C6orf163: variants seen among roughly 807,000 people sequenced by gnomAD.
The protein encoded by C6orf163 is chromosome 6 open reading frame 163.
In C6orf163, 22 loss-of-function variants were observed where a neutral mutation model predicts 28.4. The observed-to-expected ratio is 0.78, with a 90% confidence interval of 0.55 to 1.11. The LOEUF (loss-of-function observed/expected upper bound fraction) is 1.11, where lower values mean the gene tolerates loss of function less well. Among genes scored for constraint, C6orf163 ranks in the 50% least tolerant of loss-of-function variants. The pLI is 0.00. For missense variants in C6orf163, 342 were observed against 389.1 expected (o/e 0.88, Z 1.02); for synonymous variants, 110 against 123.6 (o/e 0.89, Z 0.73).
intron 1 of C6orf163, among the ~76,000 whole-genome samples, chr6:87,346,163 T>C (rs1044040258): frequency 3.9e-5 from 6 of 152,090 alleles, no homozygotes; most frequent in Non-Finnish European, 8.8e-5. Context: ...TCCTAAGAAC[T>C]CTCACAATAC....
At chr6:87,352,100 C>CA (rs11430235) in intron 3 of C6orf163, among the ~76,000 whole-genome samples, 4 of 152,012 alleles carry the variant, frequency 2.6e-5, no homozygotes, top group African/African-American at 9.6e-5. Flanking sequence ...GGGGGATCGA[C>CA]CTTCCTGAAA....
Position 87,348,867 on chromosome 6 carries a change from A to G in C6orf163, c.204A>G (p.Arg68=). The change falls in exon 2 of 5, where the codon AGA becomes AGG. Residue 68 remains arginine, a synonymous_variant. Transcript: ENST00000388923. Reference sequence around the variant, plus strand: ...AGCAGTTTCAAGAAGATATACTCAGAGAACACATTGCGAAAGCAGAAGCTG... The same window carrying G: ...AGCAGTTTCAAGAAGATATACTCAGGGAACACATTGCGAAAGCAGAAGCTG... ...KEEQFQEDIL[R]EHIAKAEAEV... is the part of the protein sequence containing the mutation. 6.5e-7 allele frequency: 1 copy of G among 1,537,718 alleles called. No homozygotes were observed. Among genetic ancestry groups the G allele is most frequent in the Non-Finnish European group, 8.7e-7 (1 of 1,146,978 alleles).
rs146710227 is a variant in C6orf163 at position 87,359,619 on chromosome 6, A to G, written c.554+3116A>G. Among the ~76,000 whole-genome samples the G allele has an allele frequency of 1.1e-3, 164 of 152,344 alleles. 1 individual carries two copies. Among genetic ancestry groups the G allele is most frequent in the Non-Finnish European group, 6.0e-4 (41 of 68,024 alleles). ...TTACAGACTAACCAGGCAAAGGATC[A>G]ATTGCTACTATGGACTTTCCGTAGT... is the stretch of plus-strand genomic sequence containing the variant. On this transcript the variant is annotated intron_variant, in intron 4 of 4. Transcript: ENST00000388923.
At chr6:87,363,348 A>T (rs242288) in intron 4 of C6orf163, among the ~76,000 whole-genome samples, 130,550 of 151,450 alleles carry the variant, frequency 0.86, 56,482 homozygotes, top group South Asian at 0.93. Context: ...CAAATTTTTT[A>T]AAAAATTATT....
intron 1 of C6orf163, among the ~76,000 whole-genome samples, chr6:87,345,841 C>T (rs539901078): frequency 7.2e-5 from 10 of 139,062 alleles, no homozygotes; most frequent in African/African-American, 2.7e-4. Context: ...TGCTTGAACC[C>T]AGGAGGTGGA....
Position 87,345,025 on chromosome 6 carries a change from C to G in C6orf163, c.-75C>G. On this transcript the variant is annotated 5_prime_UTR_variant, in exon 1 of 5. Transcript: ENST00000388923. ...TCTTCCAGCTTTCTTAAACTTTCAG[C>G]TTTTCTTGAAACGACTTTTTCTGAT... 7.8e-7 allele frequency: 1 copy of G among 1,273,938 alleles called. No individual in the cohort carries two copies. The highest frequency in any genetic ancestry group is 1.1e-6 in the Non-Finnish European group (1 of 944,390). 78.9% of individuals were successfully genotyped at this position (1,273,938 alleles called of 1,614,324 possible).
At chr6:87,363,368 A>C (rs928451541) in intron 4 of C6orf163, among the ~76,000 whole-genome samples, 3 of 150,700 alleles carry the variant, frequency 2.0e-5, no homozygotes, top group Admixed American at 2.0e-4. Context: ...TATTATACTT[A>C]AAGTTTTAGG....
intron 1 of C6orf163, 112 bp downstream of exon 1, chr6:87,345,359 A>G (rs1160001187): frequency 7.5e-6 from 8 of 1,068,716 alleles, no homozygotes; most frequent in Admixed American, 6.9e-5. Flanking sequence ...GCTTGTCCCT[A>G]CAGGGATATT....
chr6:87,348,992 T>C (rs1777372511), intron 2 of C6orf163, 86 bp downstream of exon 2: 1 of 1,463,290 alleles, frequency 6.8e-7, no homozygotes, highest in Non-Finnish European at 9.0e-7. Flanking sequence ...TATAGTGTAG[T>C]AGTCAGAACT....
chr6:87,345,405 T>C (rs923891320), intron 1 of C6orf163, among the ~76,000 whole-genome samples, 158 bp downstream of exon 1: 18 of 152,224 alleles, frequency 1.2e-4, no homozygotes, highest in Admixed American at 5.2e-4. Context: ...GCTTCTCCAC[T>C]TACAGTTGTA....
At chr6:87,361,014 T>G (rs2127935270) in intron 4 of C6orf163, among the ~76,000 whole-genome samples, 1 of 152,148 alleles carries the variant, frequency 6.6e-6, no homozygotes, top group South Asian at 2.1e-4. Flanking sequence ...CTGGGAAAAG[T>G]GGGGCTAGGC....
intron 3 of C6orf163, among the ~76,000 whole-genome samples, chr6:87,355,781 C>G (rs1777491697): frequency 6.6e-6 from 1 of 152,136 alleles, no homozygotes; most frequent in South Asian, 2.1e-4. Context: ...GCCAGGCACA[C>G]TGTGGATTTC....
chr6:87,363,359 A>G (rs1209271516), intron 4 of C6orf163, among the ~76,000 whole-genome samples: 4 of 150,538 alleles, frequency 2.7e-5, no homozygotes, highest in African/African-American at 9.8e-5. Flanking sequence ...AAAAATTATT[A>G]TTATACTTAA....
At chr6:87,350,578 A>G (rs1161419063) in intron 3 of C6orf163, 77 bp downstream of exon 3, 1 of 815,114 alleles carries the variant, frequency 1.2e-6, no homozygotes, top group Admixed American at 2.7e-5. Flanking sequence ...GGGAATGAGA[A>G]AAAAATAATA....
At chr6:87,355,987 T>C (rs750624288) in intron 3 of C6orf163, among the ~76,000 whole-genome samples, 2 of 152,202 alleles carry the variant, frequency 1.3e-5, no homozygotes, top group Non-Finnish European at 2.9e-5. Context: ...GATAATATGA[T>C]ACTAGAATAT....
intron 2 of C6orf163, 24 bp from the exon 3 acceptor site, chr6:87,350,370 A>G (rs1777393352): frequency 2.1e-6 from 3 of 1,407,194 alleles, no homozygotes; most frequent in South Asian, 1.3e-5. Context: ...ACATTAATAG[A>G]TAAATGGACT....
chr6:87,363,050 A>G (rs1777601796), intron 4 of C6orf163, among the ~76,000 whole-genome samples: 1 of 152,210 alleles, frequency 6.6e-6, no homozygotes, highest in Non-Finnish European at 1.5e-5. Context: ...CCCTGAGCTC[A>G]ATGTCTTCTT....
At chr6:87,358,434 C>T (rs535166702) in intron 4 of C6orf163, 4 of 152,174 alleles carry the variant, frequency 2.6e-5, no homozygotes, top group South Asian at 2.1e-4. Context: ...GGTGAAACCC[C>T]GTCTCTACTA....
At chr6:87,355,984 T>A (rs2127933447) in intron 3 of C6orf163, among the ~76,000 whole-genome samples, 1 of 152,330 alleles carries the variant, frequency 6.6e-6, no homozygotes, top group African/African-American at 2.4e-5. Flanking sequence ...AATGATAATA[T>A]GATACTAGAA....
Sources: allele counts gnomAD v4.1 joint callset (sites outside exome capture counted in the v4.1 genomes callset), GRCh38; gene constraint gnomAD v4.1.1; transcripts MANE v1.5; gene names NCBI Gene and HGNC (gene_info 2026-07-23, HGNC 2026-07-21).